WDR17: variants seen among roughly 807,000 people sequenced by gnomAD.
WDR17 encodes WD repeat domain 17, also known as WD repeat-containing protein 17.
In WDR17, 143 loss-of-function variants were observed where a neutral mutation model predicts 161.7. The ratio of observed to expected loss-of-function variants is 0.88; its 90% CI spans 0.77 to 1.02. The LOEUF is 1.02. WDR17 is among the 50% of genes least tolerant of loss of function. WDR17 has a pLI of 0.00. For synonymous variants in WDR17, 517 were observed against 515.6 expected, an observed-to-expected ratio of 1.00 and a Z score of -0.04; for missense variants, 1,469 against 1,520.9, an observed-to-expected ratio of 0.97 and a Z score of 0.57.
chr4:176,137,089 A>C (rs1744537825), intron 8 of WDR17, among the ~76,000 whole-genome samples: 1 of 151,562 alleles, frequency 6.6e-6, no homozygotes, highest in African/African-American at 2.4e-5. Flanking sequence ...TACTTTCATA[A>C]CCATTAAAAT....
At chr4:176,116,337 C>T (rs1228343545) in intron 3 of WDR17, among the ~76,000 whole-genome samples, 1 of 151,724 alleles carries the variant, frequency 6.6e-6, no homozygotes, top group Non-Finnish European at 1.5e-5. Context: ...CTATTCCAAC[C>T]TTTAAATTAC....
At chr4:176,174,355 G>A (rs1249914664) in intron 25 of WDR17, among the ~76,000 whole-genome samples, 3 of 152,038 alleles carry the variant, frequency 2.0e-5, no homozygotes, top group Admixed American at 1.3e-4. Flanking sequence ...GAAACAGCCA[G>A]GAAATACAGA....
intron 22 of WDR17, 77 bp from the exon 23 acceptor site, chr4:176,168,595 C>T (rs1236884776): frequency 7.1e-6 from 11 of 1,546,094 alleles, no homozygotes; most frequent in Middle Eastern, 1.7e-4. Flanking sequence ...ATATGAATTG[C>T]CCTTCTTTGA....
At chr4:176,069,993 G>T (rs1176857301) in intron 1 of WDR17, among the ~76,000 whole-genome samples, 2 of 152,032 alleles carry the variant, frequency 1.3e-5, no homozygotes, top group Non-Finnish European at 2.9e-5. Flanking sequence ...AGGTTTGAAG[G>T]GGTCATTTTG....
Position 176,179,656 on chromosome 4 carries a change from T to G in WDR17, c.*77T>G. Reference sequence around the variant, plus strand: ...GGGTTAGCATTACCTTAATCTTTGTTGCTCAAGTGCCAGAGGTTGGGAGAA... The same window carrying G: ...GGGTTAGCATTACCTTAATCTTTGTGGCTCAAGTGCCAGAGGTTGGGAGAA... On this transcript the variant is annotated 3_prime_UTR_variant, in exon 29 of 29. Coordinates refer to ENST00000508596, the MANE Select transcript of WDR17 (RefSeq NM_181265.4). The G allele has an allele frequency of 7.3e-7, 1 of 1,366,370 alleles. No homozygotes were observed. Among genetic ancestry groups the G allele is most frequent in the Non-Finnish European group, 9.6e-7 (1 of 1,046,872 alleles). The allele number at this position is 1,366,370 out of a possible 1,614,324, so 84.6% of individuals were successfully genotyped here.
intron 1 of WDR17, among the ~76,000 whole-genome samples, chr4:176,072,718 G>A (rs1048866749): frequency 1.3e-5 from 2 of 152,098 alleles, no homozygotes; most frequent in African/African-American, 4.8e-5. Context: ...ATAGCTCCGA[G>A]CACATAGTAT....
chr4:176,167,515 G>A (rs906286496), intron 22 of WDR17, among the ~76,000 whole-genome samples: 4 of 149,604 alleles, frequency 2.7e-5, no homozygotes, highest in Non-Finnish European at 5.9e-5. Flanking sequence ...GCGAGGTGGC[G>A]GGCGCCTGTA....
intron 23 of WDR17, 138 bp downstream of exon 23, chr4:176,168,921 G>A: frequency 1.1e-6 from 1 of 894,414 alleles, no homozygotes; most frequent in South Asian, 2.1e-5. Context: ...CAACAAAAGT[G>A]TTGTACAATA....
intron 22 of WDR17, chr4:176,165,976 AT>A (rs1187821943): frequency 4.8e-6 from 2 of 412,796 alleles, no homozygotes; most frequent in African/African-American, 2.1e-5. Flanking sequence ...AGCTGCACAG[AT>A]TTTTTAAAAG....
At chr4:176,067,719 C>T (rs773306668) in intron 1 of WDR17, among the ~76,000 whole-genome samples, 20 of 152,188 alleles carry the variant, frequency 1.3e-4, no homozygotes, top group Non-Finnish European at 1.8e-4. Flanking sequence ...AGAGGGGAGA[C>T]TAGGGCTAGA....
chr4:176,163,392 A>G, intron 22 of WDR17, 99 bp downstream of exon 22: 3 of 1,289,856 alleles, frequency 2.3e-6, no homozygotes, highest in Non-Finnish European at 3.2e-6. Flanking sequence ...GGGAGAATAT[A>G]GGATCACCTT....
Position 176,146,952 on chromosome 4 carries a change from T to C in WDR17, c.1694+793T>C, listed in dbSNP as rs560764514. On this transcript the variant is annotated intron_variant, in intron 12 of 28. Transcript: ENST00000508596. The stretch of plus-strand genomic sequence containing the variant: ...CATGATCTCAGCTCACTGCAATCTC[T>C]GCCTCCCGGGTTCAAGCTATTCTCC... Among the ~76,000 whole-genome samples, 21 of 152,018 alleles carry C rather than the reference T, an allele frequency of 1.4e-4. No homozygotes were observed. In the South Asian group the frequency reaches 3.7e-3, roughly 27 times the overall value.
At chr4:176,173,697 A>G (rs975183611) in intron 25 of WDR17, among the ~76,000 whole-genome samples, 22 of 151,984 alleles carry the variant, frequency 1.4e-4, no homozygotes, top group African/African-American at 5.3e-4. Context: ...TTGTATTTTT[A>G]GTAGAGACGG....
intron 23 of WDR17, among the ~76,000 whole-genome samples, chr4:176,170,606 C>T (rs879660104): frequency 3.9e-5 from 6 of 152,122 alleles, no homozygotes; most frequent in African/African-American, 4.8e-5. Flanking sequence ...TGAGCCACCA[C>T]GCCTGGCCAA....
chr4:176,075,331 T>C (rs1733823334), intron 1 of WDR17, among the ~76,000 whole-genome samples: 1 of 152,112 alleles, frequency 6.6e-6, no homozygotes, highest in Admixed American at 6.5e-5. Context: ...TTCTACTGAT[T>C]ACCTTTGTTA....
intron 18 of WDR17, among the ~76,000 whole-genome samples, chr4:176,157,344 T>C (rs73003477): frequency 0.016 from 2,486 of 152,302 alleles, 77 homozygotes; most frequent in African/African-American, 0.057. Flanking sequence ...CTGCTTCTTA[T>C]AGACACAAGT....
chr4:176,175,644 G>C (rs761294896), intron 26 of WDR17, among the ~76,000 whole-genome samples: 4 of 151,350 alleles, frequency 2.6e-5, no homozygotes, highest in Non-Finnish European at 1.5e-5. Context: ...TGCAACCTCC[G>C]CCTCCCAAGT....
chr4:176,095,999 A>G (rs952488155), intron 1 of WDR17, among the ~76,000 whole-genome samples: 10 of 152,140 alleles, frequency 6.6e-5, no homozygotes, highest in Admixed American at 5.9e-4. Flanking sequence ...GTGGTTAGCA[A>G]TTAACTTAAA....
At position 176,173,265 on chromosome 4, in the gene WDR17, A is replaced by G; in HGVS notation, c.3245-2A>G. ...ATCTTCCATCTGGTTTAATTTTTCCAGAATACATCAGTAGCTCAGACTGGA... is the reference window on the plus strand; with the variant it reads ...ATCTTCCATCTGGTTTAATTTTTCCGGAATACATCAGTAGCTCAGACTGGA... On this transcript the variant is annotated splice_acceptor_variant, in intron 24 of 28. Transcript: ENST00000508596. LOFTEE classifies it high-confidence loss of function. 1 of 1,594,256 alleles carries G rather than the reference A, an allele frequency of 6.3e-7. No individual in the cohort carries two copies. Among genetic ancestry groups the G allele is most frequent in the Non-Finnish European group, 8.5e-7 (1 of 1,171,108 alleles).
Sources: gnomAD v4.1 joint callset for allele counts (sites outside exome capture counted in the v4.1 genomes callset) on GRCh38, gnomAD v4.1.1 for gene constraint, MANE v1.5 for transcripts, NCBI Gene and HGNC (gene_info 2026-07-23, HGNC 2026-07-21) for gene names.